The following EDIL3 variants were observed in gnomAD, a reference collection of about 807,000 sequenced individuals.
EDIL3 encodes the protein EGF-like repeat and discoidin I-like domain-containing protein 3.
A neutral mutation model predicts 67.4 loss-of-function variants in EDIL3; 37 were observed. That is an observed-to-expected ratio of 0.55 (90% confidence interval 0.42 to 0.72). The LOEUF (loss-of-function observed/expected upper bound fraction) is 0.72, where lower values mean the gene tolerates loss of function less well. Among genes scored for constraint, EDIL3 ranks in the 30% least tolerant of loss-of-function variants. EDIL3 has a pLI of 0.00. For missense variants in EDIL3, 527 were observed against 586.3 expected, an observed-to-expected ratio of 0.90 and a Z score of 1.04; for synonymous variants, 195 against 196.3, an observed-to-expected ratio of 0.99 and a Z score of 0.05.
chr5:84,223,044 A>T (rs1022061232), intron 3 of EDIL3, among the ~76,000 whole-genome samples: 5 of 151,812 alleles, frequency 3.3e-5, no homozygotes, highest in Non-Finnish European at 7.4e-5. Context: ...ACATCCAAAA[A>T]ATCATAGTCA....
At chr5:84,026,016 A>T (rs1429353212) in intron 9 of EDIL3, among the ~76,000 whole-genome samples, 2 of 152,178 alleles carry the variant, frequency 1.3e-5, no homozygotes, top group African/African-American at 4.8e-5. Flanking sequence ...TCATAAAAAA[A>T]ATTCTGTTAC....
At chr5:84,218,975 G>C (rs1744286402) in intron 3 of EDIL3, among the ~76,000 whole-genome samples, 1 of 152,210 alleles carries the variant, frequency 6.6e-6, no homozygotes, top group African/African-American at 2.4e-5. Flanking sequence ...TTTGTCACCT[G>C]CTGATTGTAG....
Position 84,132,062 on chromosome 5 carries a change from G to A in EDIL3, c.469+5179C>T, listed in dbSNP as rs538682649. On this transcript the variant is annotated intron_variant, in intron 5 of 10. Transcript: ENST00000296591. ...AGCCTGGCTAATATGGTGAAACCCC[G>A]TCTCTACTAAAAATACAAAAAAAAT... Among the ~76,000 whole-genome samples, 123 of 150,110 alleles carry A rather than the reference G, an allele frequency of 8.2e-4. 1 individual carries two copies. Among genetic ancestry groups the A allele is most frequent in the Middle Eastern group, 3.4e-3 (1 of 294 alleles).
intron 8 of EDIL3, among the ~76,000 whole-genome samples, chr5:84,063,988 G>A (rs1746588789): frequency 1.3e-5 from 2 of 152,062 alleles, no homozygotes; most frequent in Admixed American, 1.3e-4. Context: ...TAGCTATATT[G>A]AAATGGGGCC....
At chr5:84,263,061 C>G (rs1293442264) in intron 1 of EDIL3, among the ~76,000 whole-genome samples, 1 of 152,122 alleles carries the variant, frequency 6.6e-6, no homozygotes, top group African/African-American at 2.4e-5. Flanking sequence ...CTATATGCCA[C>G]TAAGTCATAA....
intron 6 of EDIL3, among the ~76,000 whole-genome samples, chr5:84,068,285 T>C (rs1269343915): frequency 6.6e-6 from 1 of 152,178 alleles, no homozygotes; most frequent in East Asian, 1.9e-4. Flanking sequence ...TTCCAATACA[T>C]ACAATATGCA....
At chr5:84,033,577 G>A (rs559683471) in intron 9 of EDIL3, among the ~76,000 whole-genome samples, 4 of 152,004 alleles carry the variant, frequency 2.6e-5, no homozygotes, top group Admixed American at 6.6e-5. Flanking sequence ...GGTGGCACAC[G>A]CCTGTAGTCC....
intron 6 of EDIL3, among the ~76,000 whole-genome samples, chr5:84,081,706 T>G (rs1364582266): frequency 1.3e-5 from 2 of 152,096 alleles, no homozygotes; most frequent in Non-Finnish European, 2.9e-5. Context: ...TGAAATGGGC[T>G]GTACAAAAGC....
chr5:84,113,871 C>T (rs1747616964), intron 5 of EDIL3, among the ~76,000 whole-genome samples: 2 of 152,174 alleles, frequency 1.3e-5, no homozygotes, highest in Admixed American at 6.5e-5. Context: ...AGCATCTCAT[C>T]TTATACGAGT....
chr5:84,166,224 A>T (rs1376847017), intron 4 of EDIL3, among the ~76,000 whole-genome samples: 1 of 152,214 alleles, frequency 6.6e-6, no homozygotes, highest in Non-Finnish European at 1.5e-5. Flanking sequence ...GGAGGAGATG[A>T]GGTACCGTGT....
At chr5:84,379,655 G>A (rs1005304324) in intron 1 of EDIL3, among the ~76,000 whole-genome samples, 4 of 152,022 alleles carry the variant, frequency 2.6e-5, no homozygotes, top group Non-Finnish European at 4.4e-5. Context: ...TCCTTGGAAG[G>A]TACTTAGAAG....
chr5:83,989,714 G>A (rs1206120387), intron 9 of EDIL3, among the ~76,000 whole-genome samples: 1 of 152,142 alleles, frequency 6.6e-6, no homozygotes, highest in African/African-American at 2.4e-5. Flanking sequence ...TTGTATATTC[G>A]CCTTTCCTGA....
chr5:84,097,296 G>A (rs1580325405), intron 6 of EDIL3, among the ~76,000 whole-genome samples: 1 of 152,046 alleles, frequency 6.6e-6, no homozygotes, highest in Admixed American at 6.6e-5. Flanking sequence ...AAAACAACTG[G>A]TGAATTAACT....
chr5:84,177,637 A>C (rs1748944197), intron 4 of EDIL3, among the ~76,000 whole-genome samples: 1 of 152,182 alleles, frequency 6.6e-6, no homozygotes, highest in South Asian at 2.1e-4. Flanking sequence ...CACAGCAATG[A>C]GATATGTTAA....
At chr5:84,275,270 A>G (rs900327361) in intron 1 of EDIL3, among the ~76,000 whole-genome samples, 1 of 152,160 alleles carries the variant, frequency 6.6e-6, no homozygotes, top group Non-Finnish European at 1.5e-5. Flanking sequence ...GCCCCATACT[A>G]TTTCTCCTAT....
chr5:84,270,147 A>C (rs1745433609), intron 1 of EDIL3, among the ~76,000 whole-genome samples: 1 of 152,216 alleles, frequency 6.6e-6, no homozygotes, highest in Admixed American at 6.5e-5. Context: ...TTCTACAATT[A>C]TATGCACTGA....
chr5:84,382,506 C>A (rs993022273), intron 1 of EDIL3, among the ~76,000 whole-genome samples: 1 of 152,178 alleles, frequency 6.6e-6, no homozygotes, highest in African/African-American at 2.4e-5. Flanking sequence ...CGGGGACGTA[C>A]GGTGGTGGCG....
chr5:83,967,898 T>A (rs570492831), intron 9 of EDIL3, among the ~76,000 whole-genome samples: 5 of 152,168 alleles, frequency 3.3e-5, no homozygotes, highest in Non-Finnish European at 7.4e-5. Context: ...AATGCTCTTG[T>A]TTGTGCCTTC....
At chr5:83,954,760 A>C (rs529959278) in intron 10 of EDIL3, among the ~76,000 whole-genome samples, 1 of 151,820 alleles carries the variant, frequency 6.6e-6, no homozygotes, top group African/African-American at 2.4e-5. Context: ...CATAGTTTCT[A>C]TCATACTCAG....
Sources: allele counts gnomAD v4.1 joint callset (sites outside exome capture counted in the v4.1 genomes callset), GRCh38; gene constraint gnomAD v4.1.1; transcripts MANE v1.5; gene names NCBI Gene and HGNC (gene_info 2026-07-23, HGNC 2026-07-21).